KNTC1: variants seen among roughly 807,000 people sequenced by gnomAD.
KNTC1 encodes the protein kinetochore-associated protein 1.
Under a neutral mutation model 314.4 loss-of-function variants are expected in KNTC1, and 253 were observed. The observed-to-expected ratio is 0.80, with a 90% CI of 0.73 to 0.89. The LOEUF is 0.89. KNTC1 is among the 40% of genes least tolerant of loss of function. The pLI is 0.00. For synonymous variants in KNTC1, 901 were observed against 901.4 expected, an observed-to-expected ratio of 1.00 and a Z score of 0.01; for missense variants, 2,475 against 2,572.9, an observed-to-expected ratio of 0.96 and a Z score of 0.82.
At position 122,575,603 on chromosome 12, in the gene KNTC1, G is replaced by A. The variant is rs747877355; in HGVS notation, c.2443G>A (p.Val815Met). Residue 815 changes from valine to methionine, a missense_variant, in exon 28 of 64, where the codon GTG becomes ATG. Transcript: ENST00000333479. ...GGCAGTGGTTCCTTGGAGTGCAGCT[G>A]TGGAGCAACTGGTGAAACAGCACCT... ...YAAVVPWSAA[V>M]EQLVKQHLEM... 11 of 1,598,594 alleles carry A rather than the reference G, an allele frequency of 6.9e-6. No individual in the cohort carries two copies. Among genetic ancestry groups the A allele is most frequent in the South Asian group, 6.8e-5 (6 of 88,198 alleles).
At chr12:122,531,777 A>G (rs902564885) in intron 2 of KNTC1, among the ~76,000 whole-genome samples, 2 of 152,118 alleles carry the variant, frequency 1.3e-5, no homozygotes, top group African/African-American at 4.8e-5. Context: ...TCTGTCGCCC[A>G]GGCTGGAGTA....
chr12:122,556,017 C>T (rs1330130544), intron 16 of KNTC1, among the ~76,000 whole-genome samples: 2 of 151,760 alleles, frequency 1.3e-5, no homozygotes, highest in Non-Finnish European at 2.9e-5. Flanking sequence ...ACTCTTTTAG[C>T]AATTTTTTTT....
At chr12:122,624,255 T>C (rs1874762290) in intron 62 of KNTC1, among the ~76,000 whole-genome samples, 1 of 139,068 alleles carries the variant, frequency 7.2e-6, no homozygotes, top group South Asian at 2.5e-4. Context: ...TTGACTTCAA[T>C]GCCTCTTTTT....
chr12:122,580,580 A>C, intron 32 of KNTC1, 23 bp from the exon 33 acceptor site: 1 of 1,444,616 alleles, frequency 6.9e-7, no homozygotes, highest in South Asian at 1.3e-5. Context: ...TGTCTGCTAT[A>C]ACTTTTAAAA....
At chr12:122,585,402 C>A (rs1182271201) in intron 36 of KNTC1, among the ~76,000 whole-genome samples, 3 of 152,048 alleles carry the variant, frequency 2.0e-5, no homozygotes, top group Non-Finnish European at 2.9e-5. Flanking sequence ...TGTTTTCTTA[C>A]CCTAGACCGG....
At chr12:122,586,974 C>T (rs981020935) in intron 38 of KNTC1, among the ~76,000 whole-genome samples, 15 of 152,110 alleles carry the variant, frequency 9.9e-5, no homozygotes, top group African/African-American at 2.4e-4. Flanking sequence ...GCCACCACGC[C>T]GAGCTAGTTC....
At chr12:122,587,191 A>C (rs1257359277) in intron 38 of KNTC1, among the ~76,000 whole-genome samples, 1 of 151,978 alleles carries the variant, frequency 6.6e-6, no homozygotes, top group Non-Finnish European at 1.5e-5. Flanking sequence ...AGGTGGGAGG[A>C]TCTCTTGAGC....
In KNTC1 at chr12:122,613,655, C is replaced by T. The variant is rs1339142824; in HGVS notation, c.5771C>T (p.Ala1924Val). Reference protein sequence around the residue: ...KSYLRCITFLASFETLNIPIT... With the variant: ...KSYLRCITFLVSFETLNIPIT... The stretch of plus-strand genomic sequence containing the variant: ...TATTTGAGATGTATAACTTTTCTGG[C>T]ATCATTTGAGACTTTGAATATCCCC... The change falls in exon 55 of 64, where the codon GCA (alanine) becomes GTA (valine). Residue 1924 changes from alanine to valine, a missense_variant. Transcript: ENST00000333479. 6 of 1,610,514 alleles carry T rather than the reference C, an allele frequency of 3.7e-6. No homozygotes were observed. The highest frequency in any genetic ancestry group is 5.1e-6 in the Non-Finnish European group (6 of 1,178,732).
intron 44 of KNTC1, among the ~76,000 whole-genome samples, chr12:122,599,414 C>A (rs1428999616): frequency 1.3e-5 from 2 of 151,044 alleles, no homozygotes; most frequent in East Asian, 1.9e-4. Flanking sequence ...AGGCTGGAGT[C>A]TAATGGCGCA....
Position 122,568,316 on chromosome 12 carries a change from T to C in KNTC1, c.1660T>C (p.Leu554=). The C allele has an allele frequency of 2.5e-6, 4 of 1,600,026 alleles. No individual in the cohort carries two copies. Among genetic ancestry groups the C allele is most frequent in the Non-Finnish European group, 3.4e-6 (4 of 1,167,946 alleles). ...TGAAGATGATCTTAAAGATATTTTT[T>C]TACAGCTAAAAGAAGGAAACCTTGT... is the stretch of plus-strand genomic sequence containing the variant. ...NNEDDLKDIF[L]QLKEGNLVCA... The change falls in exon 21 of 64, where the codon TTA becomes CTA. Residue 554 remains leucine (L), a synonymous_variant. Transcript: ENST00000333479.
Position 122,551,349 on chromosome 12 carries a change from A to T in KNTC1, c.1117A>T (p.Lys373Ter). The change falls in exon 14 of 64, where the codon AAA (lysine) becomes TAA (stop). Residue 373 changes from lysine (K) to a stop codon, truncating the protein, a stop_gained. Transcript: ENST00000333479. LOFTEE classifies it high-confidence loss of function. ...DTIYLLEGVC[K>*]NDPKLSEDSV... ...CATATACCTTTTAGAAGGAGTTTGC[A>T]AAAATGATCCAAAGTAGGTCATGTT... 6.3e-7 allele frequency: 1 copy of T among 1,594,526 alleles called. No individual in the cohort carries two copies. The highest frequency in any genetic ancestry group is 1.3e-5 in the African/African-American group (1 of 74,748).
intron 31 of KNTC1, among the ~76,000 whole-genome samples, chr12:122,578,866 C>G (rs1965202546): frequency 6.6e-6 from 1 of 152,062 alleles, no homozygotes; most frequent in Non-Finnish European, 1.5e-5. Flanking sequence ...GGTTAAATAG[C>G]TACTTCTTGT....
intron 31 of KNTC1, among the ~76,000 whole-genome samples, chr12:122,578,126 C>T (rs1965152902): frequency 6.6e-6 from 1 of 152,130 alleles, no homozygotes; most frequent in Non-Finnish European, 1.5e-5. Flanking sequence ...ATAGTAATGT[C>T]AGCTACAAAA....
chr12:122,583,895 G>A (rs1868822438), intron 34 of KNTC1, among the ~76,000 whole-genome samples: 1 of 152,164 alleles, frequency 6.6e-6, no homozygotes, highest in African/African-American at 2.4e-5. Flanking sequence ...GGCCAAGGCA[G>A]GAGGATTACT....
intron 44 of KNTC1, among the ~76,000 whole-genome samples, chr12:122,599,158 G>A (rs937417247): frequency 1.3e-5 from 2 of 151,300 alleles, no homozygotes; most frequent in African/African-American, 4.9e-5. Context: ...AAGAGAAGGG[G>A]GTCTCACTAT....
At chr12:122,591,160 G>A (rs1047953526) in intron 41 of KNTC1, among the ~76,000 whole-genome samples, 177 bp from the exon 42 acceptor site, 2 of 152,044 alleles carry the variant, frequency 1.3e-5, no homozygotes, top group African/African-American at 2.4e-5. Context: ...AGCATTATAC[G>A]AAAACCTGAA....
intron 11 of KNTC1, 102 bp from the exon 12 acceptor site, chr12:122,547,813 T>G: frequency 3.0e-6 from 2 of 674,672 alleles, no homozygotes; most frequent in Non-Finnish European, 4.8e-6. Flanking sequence ...AGTTTATATC[T>G]TGTAATTGGC....
chr12:122,530,087 A>G lies in KNTC1; in HGVS notation c.24A>G (p.Leu8=), dbSNP rs770565380. MWNDIEL[L]TNDDTGSGYL... ...ACATGTGGAATGATATTGAGCTGCT[A>G]ACAAATGATGATACCGGAAGTGGGT... Residue 8 remains leucine (L), a synonymous_variant, in exon 2 of 64, where the codon CTA becomes CTG. Transcript: ENST00000333479. 2 of 1,613,728 alleles carry G rather than the reference A, an allele frequency of 1.2e-6. No individual in the cohort carries two copies. The highest frequency in any genetic ancestry group is 1.1e-5 in the South Asian group (1 of 91,070).
At chr12:122,547,803 A>T (rs1962901247) in intron 11 of KNTC1, 112 bp from the exon 12 acceptor site, 1 of 638,350 alleles carries the variant, frequency 1.6e-6, no homozygotes, top group Non-Finnish European at 2.6e-6. Context: ...GTGTTACTTT[A>T]GTTTATATCT....
Sources: gnomAD v4.1 joint callset for allele counts (sites outside exome capture counted in the v4.1 genomes callset) on GRCh38, gnomAD v4.1.1 for gene constraint, MANE v1.5 for transcripts, NCBI Gene and HGNC (gene_info 2026-07-23, HGNC 2026-07-21) for gene names.